The following SLC44A5 variants were observed in gnomAD, a reference collection of about 807,000 sequenced individuals.
SLC44A5 encodes the protein solute carrier family 44 member 5.
Under a neutral mutation model 101.8 loss-of-function variants are expected in SLC44A5, and 57 were observed. That is an observed-to-expected ratio of 0.56 (90% confidence interval 0.45 to 0.70). The LOEUF (loss-of-function observed/expected upper bound fraction) is 0.70. SLC44A5 is among the 30% of genes least tolerant of loss of function. The pLI is 0.00. For missense variants in SLC44A5, 737 were observed against 853.1 expected (o/e 0.86, Z 1.70); for synonymous variants, 281 against 290.9 (o/e 0.97, Z 0.35).
At chr1:75,588,112 G>A (rs150149292) in intron 1 of SLC44A5, among the ~76,000 whole-genome samples, 7 of 152,194 alleles carry the variant, frequency 4.6e-5, no homozygotes, top group South Asian at 2.1e-4. Flanking sequence ...TAGTTTACTC[G>A]ATAAAGCCCT....
At chr1:75,678,249 T>C in the SLC44A5 span, among the ~76,000 whole-genome samples, 37 of 152,200 alleles carry the variant, frequency 2.4e-4, no homozygotes, top group South Asian at 7.7e-3. Flanking sequence ...TCGAACTGGG[T>C]GGAGCCCACC....
chr1:75,331,051 T>C (rs1336462121), intron 4 of SLC44A5, among the ~76,000 whole-genome samples: 3 of 151,474 alleles, frequency 2.0e-5, no homozygotes, highest in Non-Finnish European at 4.4e-5. Flanking sequence ...TGTCCTGTAC[T>C]GATTCTTCCA....
At chr1:75,555,356 C>G (rs1359268023) in intron 1 of SLC44A5, among the ~76,000 whole-genome samples, 1 of 151,982 alleles carries the variant, frequency 6.6e-6, no homozygotes, top group African/African-American at 2.4e-5. Flanking sequence ...GGTTTGGTGG[C>G]TCTACAAATG....
At chr1:75,297,040 C>T (rs1654019753) in intron 5 of SLC44A5, among the ~76,000 whole-genome samples, 1 of 152,136 alleles carries the variant, frequency 6.6e-6, no homozygotes, top group Non-Finnish European at 1.5e-5. Context: ...CTCCACGTAG[C>T]TGCTACACAT....
intron 4 of SLC44A5, among the ~76,000 whole-genome samples, chr1:75,326,095 CGTGTGTGTGTGTGTGT>C (rs58294702): frequency 7.1e-6 from 1 of 140,310 alleles, no homozygotes; most frequent in African/African-American, 2.6e-5. Context: ...TCTCTCTCTC[CGTGTGTGTGTGTGTGT>C]GTGTGTGTGT....
chr1:75,464,845 A>T (rs564103267), intron 2 of SLC44A5, among the ~76,000 whole-genome samples: 2 of 152,308 alleles, frequency 1.3e-5, no homozygotes, highest in East Asian at 3.9e-4. Context: ...TTTTAAATAT[A>T]TATGCACCCA....
At chr1:75,532,716 T>C (rs541073009) in intron 2 of SLC44A5, among the ~76,000 whole-genome samples, 1 of 152,288 alleles carries the variant, frequency 6.6e-6, no homozygotes, top group African/African-American at 2.4e-5. Context: ...GTGTTCAGTA[T>C]AGAGTTTGGC....
At position 75,218,569 on chromosome 1, in the gene SLC44A5, C is replaced by T. The variant is rs773373016; in HGVS notation, c.1450G>A (p.Ala484Thr). 3.7e-5 allele frequency: 59 copies of T among 1,613,592 alleles called. No homozygotes were observed. In the South Asian group the frequency reaches 4.5e-4, roughly 12 times the overall value. Reference sequence around the variant, plus strand: ...TTTTTCATGGCCCAGTAATAAGTAGCGAATGCACCAGCAAGGGCGCACTGA... The same window carrying T: ...TTTTTCATGGCCCAGTAATAAGTAGTGAATGCACCAGCAAGGGCGCACTGA... ...LGQCALAGAF[A>T]TYYWAMKKPD... is the part of the protein sequence containing the mutation. The change falls in exon 17 of 24, where the codon GCT (alanine) becomes ACT (threonine). Residue 484 changes from alanine (A) to threonine (T), a missense_variant. Transcript: ENST00000370859.
chr1:75,208,544 GC>G (rs1646793068), intron 23 of SLC44A5, among the ~76,000 whole-genome samples: 1 of 152,124 alleles, frequency 6.6e-6, no homozygotes, highest in African/African-American at 2.4e-5. Context: ...AAAAGTTATG[GC>G]CACAGTGTAT....
At chr1:75,219,478 T>C in intron 15 of SLC44A5, 134 bp from the exon 16 acceptor site, 1 of 690,712 alleles carries the variant, frequency 1.4e-6, no homozygotes, top group South Asian at 1.8e-5. Flanking sequence ...AATATTCATC[T>C]ATTTTTCAGG....
intron 1 of SLC44A5, among the ~76,000 whole-genome samples, chr1:75,600,658 A>T (rs915229174): frequency 1.3e-5 from 2 of 152,170 alleles, no homozygotes; most frequent in Admixed American, 6.5e-5. Context: ...GTCCCATAAG[A>T]TTATGATATT....
chr1:75,608,972 T>A (rs1405735306), intron 1 of SLC44A5, among the ~76,000 whole-genome samples: 9 of 152,110 alleles, frequency 5.9e-5, no homozygotes, highest in Middle Eastern at 6.8e-3. Flanking sequence ...TTGTTTGTCT[T>A]CCCTATGTAT....
At chr1:75,455,412 C>T (rs1666131613) in intron 2 of SLC44A5, among the ~76,000 whole-genome samples, 2 of 152,058 alleles carry the variant, frequency 1.3e-5, no homozygotes, top group Non-Finnish European at 2.9e-5. Flanking sequence ...TATAAGAATC[C>T]TAGAAGAAAA....
At chr1:75,456,368 GAAGT>G (rs1291016467) in intron 2 of SLC44A5, among the ~76,000 whole-genome samples, 1 of 152,114 alleles carries the variant, frequency 6.6e-6, no homozygotes, top group Non-Finnish European at 1.5e-5. Context: ...AGAAAAAAGG[GAAGT>G]AAGAGTTGAA....
the SLC44A5 span, among the ~76,000 whole-genome samples, chr1:75,683,907 G>A: frequency 1.9e-4 from 28 of 150,430 alleles, no homozygotes; most frequent in Admixed American, 1.0e-3. Flanking sequence ...ACAAAAAAGA[G>A]CGGAAGTAGC....
chr1:75,206,851 A>G, intron 23 of SLC44A5: 1 of 573,340 alleles, frequency 1.7e-6, no homozygotes, highest in Non-Finnish European at 3.1e-6. Flanking sequence ...AAGACAAATT[A>G]GTGCAGTTTA....
intron 1 of SLC44A5, among the ~76,000 whole-genome samples, chr1:75,554,269 G>A (rs1489066621): frequency 6.6e-6 from 1 of 151,980 alleles, no homozygotes; most frequent in African/African-American, 2.4e-5. Flanking sequence ...TTGAGGTCAG[G>A]AGTTTGAGAC....
the SLC44A5 span, among the ~76,000 whole-genome samples, chr1:75,701,803 G>T: frequency 6.6e-6 from 1 of 152,168 alleles, no homozygotes; most frequent in Non-Finnish European, 1.5e-5. Context: ...AGCAACTTCA[G>T]CAAAGTCTCA....
the SLC44A5 span, among the ~76,000 whole-genome samples, chr1:75,644,390 G>A: frequency 6.6e-6 from 1 of 151,522 alleles, no homozygotes; most frequent in Non-Finnish European, 1.5e-5. Context: ...AGAAACAATT[G>A]GCCTATAAGT....
Sources: gnomAD v4.1 joint callset for allele counts (sites outside exome capture counted in the v4.1 genomes callset) on GRCh38, gnomAD v4.1.1 for gene constraint, MANE v1.5 for transcripts, NCBI Gene and HGNC (gene_info 2026-07-23, HGNC 2026-07-21) for gene names.